The following NDST1 variants were observed in gnomAD, a reference collection of about 807,000 sequenced individuals.
The protein encoded by NDST1 is N-deacetylase and N-sulfotransferase 1.
In NDST1, 35 loss-of-function variants were observed where a neutral mutation model predicts 92.8. That is an observed-to-expected ratio of 0.38 (90% confidence interval 0.29 to 0.50). NDST1 has a LOEUF of 0.50. Among genes scored for constraint, NDST1 ranks in the 20% least tolerant of loss-of-function variants. The pLI, the probability that NDST1 is intolerant of heterozygous loss-of-function variation, is 0.94. For missense variants in NDST1, 822 were observed against 1,182.7 expected, an observed-to-expected ratio of 0.69 and a Z score of 4.47; for synonymous variants, 493 against 500.3, an observed-to-expected ratio of 0.99 and a Z score of 0.19.
intron 5 of NDST1, 131 bp from the exon 6 acceptor site, chr5:150,535,569 A>AAG: frequency 8.0e-7 from 1 of 1,255,508 alleles, no homozygotes; most frequent in Non-Finnish European, 1.1e-6. Flanking sequence ...TTCCCATCTT[A>AAG]CCATGAAGTC....
chr5:150,519,719 C>T (rs1460939795), intron 1 of NDST1, among the ~76,000 whole-genome samples: 1 of 152,050 alleles, frequency 6.6e-6, no homozygotes, highest in Admixed American at 6.6e-5. Flanking sequence ...GAAAGTTGCT[C>T]CTTGGGTTGC....
intron 1 of NDST1, among the ~76,000 whole-genome samples, chr5:150,502,777 T>C (rs1316578752): frequency 2.0e-5 from 3 of 148,622 alleles, no homozygotes; most frequent in Non-Finnish European, 4.5e-5. Flanking sequence ...GCATGCCTCC[T>C]GACAGGGAGT....
At chr5:150,531,199 A>T (rs148301203) in intron 3 of NDST1, among the ~76,000 whole-genome samples, 1 of 152,256 alleles carries the variant, frequency 6.6e-6, no homozygotes, top group East Asian at 1.9e-4. Context: ...GCAGCTGCCT[A>T]TTCAGGGCTT....
chr5:150,548,119 G>C, intron 11 of NDST1, 99 bp from the exon 12 acceptor site: 1 of 1,435,328 alleles, frequency 7.0e-7, no homozygotes, highest in Non-Finnish European at 9.6e-7. Context: ...CCTGGGTCCA[G>C]CTGAGGATCT....
Position 150,556,713 on chromosome 5 carries a change from A to G in NDST1, c.*3381A>G, listed in dbSNP as rs1250089523. On this transcript the variant is annotated 3_prime_UTR_variant, in exon 15 of 15. Transcript: ENST00000261797. ...CCTAAGAGTTAGGGCATTGTCCTAC[A>G]CATTGGCCCAGTATCACAGCCAAGA... is the stretch of plus-strand genomic sequence containing the variant. The G allele has an allele frequency of 6.6e-6, 1 of 152,330 alleles. No homozygotes were observed. Among genetic ancestry groups the G allele is most frequent in the East Asian group, 1.9e-4 (1 of 5,190 alleles). The allele number at this position is 152,330 out of a possible 1,614,324, so 9.4% of individuals were successfully genotyped here.
intron 1 of NDST1, among the ~76,000 whole-genome samples, chr5:150,517,168 T>A (rs1247901065): frequency 1.3e-5 from 2 of 152,158 alleles, no homozygotes; most frequent in Non-Finnish European, 2.9e-5. Flanking sequence ...TTTCTTTTTT[T>A]TGAGATGGGG....
At chr5:150,518,147 G>A (rs1281061934) in intron 1 of NDST1, among the ~76,000 whole-genome samples, 1 of 152,152 alleles carries the variant, frequency 6.6e-6, no homozygotes, top group Admixed American at 6.5e-5. Context: ...TCTCCAAGCT[G>A]TGGTATGTGC....
chr5:150,531,240 C>T (rs777989244), intron 3 of NDST1, among the ~76,000 whole-genome samples: 4 of 152,096 alleles, frequency 2.6e-5, no homozygotes, highest in East Asian at 1.9e-4. Flanking sequence ...CCTTTCTGGC[C>T]GTTGCTTCAT....
chr5:150,505,448 A>G (rs538950692), upstream of NDST1, among the ~76,000 whole-genome samples: 7 of 152,330 alleles, frequency 4.6e-5, no homozygotes, highest in South Asian at 1.4e-3. Flanking sequence ...ACTTCCCAAC[A>G]GGGACCTTAA....
chr5:150,518,481 A>G (rs542275918), intron 1 of NDST1, among the ~76,000 whole-genome samples: 7 of 152,304 alleles, frequency 4.6e-5, no homozygotes, highest in African/African-American at 1.4e-4. Context: ...ACAGTGCATC[A>G]TGGCAGAGCT....
Position 150,525,811 on chromosome 5 carries a change from G to A in NDST1, c.514-1993G>A, listed in dbSNP as rs553537897. ...TGTGCTCCCTGAGCAGCTCTCCTGGGGGCCCCACACATGACCCCATCTCCC... is the reference window on the plus strand; with the variant it reads ...TGTGCTCCCTGAGCAGCTCTCCTGGAGGCCCCACACATGACCCCATCTCCC... On this transcript the variant is annotated intron_variant, in intron 2 of 14. Transcript: ENST00000261797. 5.9e-5 allele frequency among the ~76,000 whole-genome samples: 9 copies of A among 152,218 alleles called. No homozygotes were observed. In the South Asian group the frequency reaches 1.7e-3, roughly 28 times the overall value.
intron 3 of NDST1, 113 bp downstream of exon 3, chr5:150,528,411 C>A: frequency 8.0e-7 from 1 of 1,243,164 alleles, no homozygotes; most frequent in Non-Finnish European, 1.1e-6. Flanking sequence ...CTGGGAGTTA[C>A]TTAAAAGACA....
intron 4 of NDST1, 30 bp from the exon 5 acceptor site, chr5:150,534,837 G>C: frequency 3.1e-6 from 5 of 1,614,212 alleles, no homozygotes; most frequent in Non-Finnish European, 4.2e-6. Context: ...TGGCCCAGTG[G>C]GTGGTTCTGA....
intron 3 of NDST1, among the ~76,000 whole-genome samples, chr5:150,531,676 T>C (rs1346711807): frequency 6.6e-6 from 1 of 152,046 alleles, no homozygotes; most frequent in Non-Finnish European, 1.5e-5. Context: ...ATTTTGTATT[T>C]TTAGTAGAGA....
At chr5:150,531,924 G>A (rs2545340) in intron 3 of NDST1, among the ~76,000 whole-genome samples, 38,765 of 152,156 alleles carry the variant, frequency 0.25, 5,457 homozygotes, top group African/African-American at 0.38. Context: ...CACGGTGCGC[G>A]GGAAGACCGC....
chr5:150,519,812 C>A (rs1252944725), intron 1 of NDST1, among the ~76,000 whole-genome samples: 1 of 152,118 alleles, frequency 6.6e-6, no homozygotes, highest in East Asian at 1.9e-4. Context: ...TGGGATGAGA[C>A]AATTGGGGCC....
chr5:150,521,340 T>A lies in NDST1; in HGVS notation c.86T>A (p.Phe29Tyr). Reference protein sequence around the residue: ...VLFLLFIFCLFSVFISAYYLY... With the variant: ...VLFLLFIFCLYSVFISAYYLY... Reference sequence around the variant, plus strand: ...TTCCTGCTGTTCATCTTCTGCCTGTTCAGCGTTTTCATCTCGGCCTACTAC... The same window carrying A: ...TTCCTGCTGTTCATCTTCTGCCTGTACAGCGTTTTCATCTCGGCCTACTAC... The change falls in exon 2 of 15, where the codon TTC becomes TAC. Residue 29 changes from phenylalanine (F) to tyrosine (Y), a missense_variant. Transcript: ENST00000261797. The surrounding 1 kb of genome is among the most constrained non-coding windows in gnomAD (Gnocchi z 5.9). 6.2e-7 allele frequency: 1 copy of A among 1,613,522 alleles called. No individual in the cohort carries two copies. The highest frequency in any genetic ancestry group is 8.5e-7 in the Non-Finnish European group (1 of 1,179,910).
At chr5:150,549,604 C>T (rs1448391725) in intron 12 of NDST1, 74 bp from the exon 13 acceptor site, 2 of 860,256 alleles carry the variant, frequency 2.3e-6, no homozygotes, top group South Asian at 1.4e-5. Flanking sequence ...CAGGCCCATT[C>T]CTGCTGCCGT....
Position 150,536,858 on chromosome 5 carries a change from G to T in NDST1, c.1437+973G>T, listed in dbSNP as rs543856105. Among the ~76,000 whole-genome samples the T allele has an allele frequency of 2.6e-5, 4 of 152,350 alleles. No homozygotes were observed. The South Asian group carries it at 8.3e-4, about 32-fold the overall frequency. On this transcript the variant is annotated intron_variant, in intron 6 of 14. Transcript: ENST00000261797. ...AGGAATTACAGGCGTGAGCCACTGT[G>T]CCCAGCCTCACATCTATCCCTTTCC...
Sources: gnomAD v4.1 joint callset for allele counts (sites outside exome capture counted in the v4.1 genomes callset) on GRCh38, gnomAD v4.1.1 for gene constraint, Gnocchi (gnomAD v3.1) non-coding constraint, MANE v1.5 for transcripts, NCBI Gene and HGNC (gene_info 2026-07-23, HGNC 2026-07-21) for gene names.